BSG: variants seen among roughly 807,000 people sequenced by gnomAD.
BSG encodes the protein basigin.
In BSG, 37 loss-of-function variants were observed where a neutral mutation model predicts 43.1. The ratio of observed to expected loss-of-function variants is 0.86; its 90% CI spans 0.66 to 1.13. The LOEUF (loss-of-function observed/expected upper bound fraction) is 1.13, where lower values mean the gene tolerates loss of function less well. BSG is among the 50% of genes most tolerant of loss of function. The probability of loss-of-function intolerance (pLI) is 0.00; values close to 1 mark genes in which losing one functional copy is unlikely to be tolerated. For missense variants in BSG, 599 were observed against 554.2 expected, an observed-to-expected ratio of 1.08 and a Z score of -0.81; for synonymous variants, 309 against 238.7, an observed-to-expected ratio of 1.29 and a Z score of -2.72.
Position 579,518 on chromosome 19 carries a change from C to T in BSG, c.434C>T (p.Thr145Ile), listed in dbSNP as rs763222768. ...CTTGCAGCCGGCACAGTCTTCACTA[C>T]CGTAGAAGACCTTGGCTCCAAGATA... ...LVLEPGTVFT[T>I]VEDLGSKILL... The change falls in exon 3 of 9, where the codon ACC becomes ATC. Residue 145 changes from threonine (T) to isoleucine (I), a missense_variant. Transcript: ENST00000333511. The T allele has an allele frequency of 6.2e-7, 1 of 1,612,708 alleles. No individual in the cohort carries two copies. Among genetic ancestry groups the T allele is most frequent in the East Asian group, 2.2e-5 (1 of 44,880 alleles).
chr19:577,734 C>A (rs1981895821), intron 1 of BSG, 40 bp from the exon 2 acceptor site: 2 of 1,342,172 alleles, frequency 1.5e-6, no homozygotes, highest in Non-Finnish European at 1.9e-6. Context: ...TCCCAAGTGC[C>A]CCAGGCACTA....
chr19:571,819 G>C (rs56014307), upstream of BSG: 1 of 552,288 alleles, frequency 1.8e-6, no homozygotes, highest in East Asian at 3.0e-5. Flanking sequence ...AATCTAAGCT[G>C]ATCCCGGTTG....
chr19:581,243 C>G (rs548788861), intron 5 of BSG, 72 bp from the exon 6 acceptor site: 5 of 1,362,022 alleles, frequency 3.7e-6, no homozygotes, highest in Admixed American at 4.4e-5. Flanking sequence ...GGGTCCCGGA[C>G]TCAGCCCTCA....
chr19:573,346 C>G (rs987446871), intron 1 of BSG, among the ~76,000 whole-genome samples: 1 of 152,136 alleles, frequency 6.6e-6, no homozygotes, highest in Admixed American at 6.5e-5. Flanking sequence ...CTCTGGGGCC[C>G]CCGCAAGGGC....
rs781097295 is a variant in BSG at position 582,296 on chromosome 19, C to T, written c.1070-10C>T. On this transcript the variant is annotated splice_polypyrimidine_tract_variant and intron_variant, in intron 6 of 8. Transcript: ENST00000333511. The stretch of plus-strand genomic sequence containing the variant: ...TCGTCCTCTTTTTCATGGCGGCGGT[C>T]CTTCTTCAGATGACGACGCCGGCTC... The T allele has an allele frequency of 6.2e-7, 1 of 1,604,110 alleles. No individual in the cohort carries two copies. Among genetic ancestry groups the T allele is most frequent in the Non-Finnish European group, 8.5e-7 (1 of 1,177,980 alleles).
chr19:581,573 C>T lies in BSG; in HGVS notation c.1051C>T (p.Pro351Ser), dbSNP rs1982326729. The change falls in exon 6 of 9, where the codon CCC becomes TCC. Residue 351 changes from proline (P) to serine (S), a missense_variant. Coordinates refer to ENST00000333511, the MANE Select transcript of BSG (RefSeq NM_001728.4). ...IIFIYEKRRK[P>S]EDVLDDDDAG... is the part of the protein sequence containing the mutation. Reference sequence around the variant, plus strand: ...CTTCATCTACGAGAAGCGCCGGAAGCCCGAGGACGTCCTGGATGGTGAGCC... The same window carrying T: ...CTTCATCTACGAGAAGCGCCGGAAGTCCGAGGACGTCCTGGATGGTGAGCC... The T allele has an allele frequency of 1.3e-6, 2 of 1,595,652 alleles. No individual in the cohort carries two copies. The highest frequency in any genetic ancestry group is 1.1e-5 in the South Asian group (1 of 88,850).
chr19:580,465 A>C lies in BSG; in HGVS notation c.655+4A>C, dbSNP rs1982190753. 6.2e-7 allele frequency: 1 copy of C among 1,610,280 alleles called. No individual in the cohort carries two copies. Among genetic ancestry groups the C allele is most frequent in the Non-Finnish European group, 8.5e-7 (1 of 1,179,848 alleles). On this transcript the variant is annotated splice_donor_region_variant and intron_variant, in intron 4 of 8. Coordinates refer to ENST00000333511, the MANE Select transcript of BSG (RefSeq NM_001728.4). ...ACGGCCAACATCCAGCTCCACGGTG[A>C]GTCCTGCAGCCAGGGGTACCGGGCA...
At chr19:576,673 A>G (rs1981796292) in intron 1 of BSG, among the ~76,000 whole-genome samples, 1 of 151,998 alleles carries the variant, frequency 6.6e-6, no homozygotes. Context: ...AGGCAGGAGA[A>G]TTGCTTGAAC....
Position 577,923 on chromosome 19 carries a change from G to T in BSG, c.217G>T (p.Gly73Cys). The change falls in exon 2 of 9, where the codon GGC becomes TGC. Residue 73 changes from glycine (G) to cysteine (C), a missense_variant. Physicochemically the swap from Gly to Cys is radical, Grantham distance 159. Coordinates refer to ENST00000333511, the MANE Select transcript of BSG (RefSeq NM_001728.4). ...CGACACCTGCTCCCAGCTCTGGGAC[G>T]GCGCCCGGCTGGACCGCGTCCACAT... The part of the protein sequence containing the change: ...PNDTCSQLWD[G>C]ARLDRVHIHA... 1 of 1,602,812 alleles carries T rather than the reference G, an allele frequency of 6.2e-7. No homozygotes were observed. The highest frequency in any genetic ancestry group is 8.5e-7 in the Non-Finnish European group (1 of 1,173,172).
At chr19:572,803 G>C in intron 1 of BSG, 102 bp downstream of exon 1, 2 of 1,252,330 alleles carry the variant, frequency 1.6e-6, no homozygotes, top group Non-Finnish European at 2.0e-6. Context: ...CTCGGCGCGG[G>C]GCGGCCTGGG....
At position 582,799 on chromosome 19, in the gene BSG, A is replaced by T; in HGVS notation, c.*55A>T. The T allele has an allele frequency of 1.7e-6, 1 of 586,122 alleles. No homozygotes were observed. The highest frequency in any genetic ancestry group is 2.1e-5 in the South Asian group (1 of 47,712). 36.3% of individuals were successfully genotyped at this position (586,122 alleles called of 1,614,324 possible). ...CACGTCTGCGCCGCCGCCGGAGTCC[A>T]CTCCCAGTGCTTGCAAGATTCCAAG... On this transcript the variant is annotated 3_prime_UTR_variant, in exon 9 of 9. Transcript: ENST00000333511.
chr19:572,584 G>T, upstream of BSG: 1 of 1,437,510 alleles, frequency 7.0e-7, no homozygotes, highest in Non-Finnish European at 9.2e-7. Context: ...AGCGGCCGCG[G>T]GCGGCGGCGG....
At chr19:577,173 C>T (rs1172747241) in intron 1 of BSG, among the ~76,000 whole-genome samples, 2 of 152,080 alleles carry the variant, frequency 1.3e-5, no homozygotes, top group Non-Finnish European at 2.9e-5. Context: ...CCTTGCATTT[C>T]GAAGGAAGGG....
Position 582,592 on chromosome 19 carries a change from G to A in BSG, c.*5+10G>A. ...ACTCTTCCTGAGGCAGGTGCGGTGGGCGGGAGCTCCTCCTGAGCCAGGTGT... is the reference window on the plus strand; with the variant it reads ...ACTCTTCCTGAGGCAGGTGCGGTGGACGGGAGCTCCTCCTGAGCCAGGTGT... On this transcript the variant is annotated intron_variant, in intron 8 of 8. Transcript: ENST00000333511. 2 of 1,556,594 alleles carry A rather than the reference G, an allele frequency of 1.3e-6. No homozygotes were observed. The highest frequency in any genetic ancestry group is 1.7e-6 in the Non-Finnish European group (2 of 1,148,142).
rs777660646 is a variant in BSG, at chr19:577,829, G to A, written c.123G>A (p.Glu41=). 7 of 1,499,840 alleles carry A rather than the reference G, an allele frequency of 4.7e-6. No homozygotes were observed. In the Admixed American group the frequency reaches 1.5e-4, roughly 31 times the overall value. 92.9% of individuals were successfully genotyped at this position (1,499,840 alleles called of 1,614,324 possible). ...AGAGGTGGGTGGGGGGCAGTGTGGA[G>A]CTGCACTGCGAGGCCGTGGGCAGCC... ...SQQRWVGGSV[E]LHCEAVGSPV... Residue 41 remains glutamate (E), a synonymous_variant, in exon 2 of 9, where the codon GAG becomes GAA. Transcript: ENST00000333511.
intron 5 of BSG, among the ~76,000 whole-genome samples, chr19:581,106 C>T (rs1167442677): frequency 2.9e-4 from 21 of 71,188 alleles, no homozygotes; most frequent in South Asian, 9.2e-4. Flanking sequence ...GGTCCCGGAC[C>T]CAGCCCTCAG....
In BSG at chr19:582,848, A is replaced by G. The variant is rs1063378; in HGVS notation, c.*104A>G. 6.8e-5 allele frequency: 36 copies of G among 530,476 alleles called. No homozygotes were observed. Among genetic ancestry groups the G allele is most frequent in the Admixed American group, 6.5e-4 (18 of 27,626 alleles). The allele number at this position is 530,476 out of a possible 1,614,324, so 32.9% of individuals were successfully genotyped here. A position where few individuals can be genotyped will look rare whatever the true frequency, so the allele number is the denominator to read the frequency against. ...AGTTCTCACCTCTTAAAGAAAACCC[A>G]CCCCGTAGATTCCCATCATACACTT... is the stretch of plus-strand genomic sequence containing the variant. On this transcript the variant is annotated 3_prime_UTR_variant, in exon 9 of 9. Transcript: ENST00000333511.
chr19:578,078 G>T lies in BSG; in HGVS notation c.372G>T (p.Arg124Ser). The T allele has an allele frequency of 6.2e-7, 1 of 1,603,940 alleles. No individual in the cohort carries two copies. Among genetic ancestry groups the T allele is most frequent in the Admixed American group, 1.7e-5 (1 of 59,488 alleles). Residue 124 changes from arginine (R) to serine (S), a missense_variant, in exon 2 of 9, where the codon AGG becomes AGT. Physicochemically the swap from Arg to Ser is moderately radical, Grantham distance 110. Transcript: ENST00000333511. ...GCAACCACCTGACCCGGGCGCCCAG[G>T]GTCAAGTGGGTCCGCGCCCAGGCAG... ...PDRNHLTRAP[R>S]VKWVRAQAVV...
At chr19:581,632 G>T in intron 6 of BSG, 41 bp downstream of exon 6, 7 of 1,528,092 alleles carry the variant, frequency 4.6e-6, no homozygotes, top group Non-Finnish European at 1.8e-6. Flanking sequence ...CTGCTCTCGG[G>T]GTGGCCCAGG....
Sources: gnomAD v4.1 joint callset for allele counts (sites outside exome capture counted in the v4.1 genomes callset) on GRCh38, gnomAD v4.1.1 for gene constraint, MANE v1.5 for transcripts, NCBI Gene and HGNC (gene_info 2026-07-23, HGNC 2026-07-21) for gene names.